The following FAT3 variants were observed in gnomAD, a reference collection of about 807,000 sequenced individuals.
FAT3 encodes the protein FAT atypical cadherin 3, also known as protocadherin Fat 3.
FAT3 carries 95 observed loss-of-function variants against 310.2 expected under a neutral mutation model. The observed-to-expected ratio is 0.31, with a 90% confidence interval of 0.26 to 0.36. The LOEUF is 0.36. Among genes scored for constraint, FAT3 ranks in the 10% least tolerant of loss-of-function variants. FAT3 has a pLI of 1.00. For synonymous variants in FAT3, 2,314 were observed against 2,192.9 expected (o/e 1.06, Z -1.54); for missense variants, 5,408 against 5,715.6 (o/e 0.95, Z 1.74).
At chr11:92,592,318 C>A (rs114175990) in intron 3 of FAT3, among the ~76,000 whole-genome samples, 1 of 108,244 alleles carries the variant, frequency 9.2e-6, no homozygotes, top group Non-Finnish European at 1.7e-5. Context: ...TCCTAATTGT[C>A]TTTTTTTTTT....
chr11:92,444,886 G>T (rs1396083393), intron 2 of FAT3, among the ~76,000 whole-genome samples: 1 of 152,096 alleles, frequency 6.6e-6, no homozygotes, highest in Non-Finnish European at 1.5e-5. Context: ...GAAGAAAAAA[G>T]TTCTGTCATT....
rs1462056846 is a variant in FAT3, at chr11:92,355,364, T to C, written c.3252T>C (p.Asp1084=). Residue 1084 remains aspartate (D), a synonymous_variant, in exon 2 of 28, where the codon GAT becomes GAC. Transcript: ENST00000525166. ...GAGAGATCCAGTACTCCATCAGGGA[T>C]GGCAGTGGTCTTGGAAGGTTCAGTA... ...RDGEIQYSIR[D]GSGLGRFSID... 1.9e-6 allele frequency: 3 copies of C among 1,613,774 alleles called. No individual in the cohort carries two copies. In the South Asian group the frequency reaches 3.3e-5, roughly 18 times the overall value.
chr11:92,801,989 A>G (rs967984729), intron 10 of FAT3, 80 bp downstream of exon 10: 17 of 1,366,650 alleles, frequency 1.2e-5, no homozygotes, highest in Non-Finnish European at 1.6e-5. Context: ...AGAGTAAGAG[A>G]GAAGGAAGAT....
chr11:92,331,576 T>C (rs945562464), intron 1 of FAT3, among the ~76,000 whole-genome samples: 1 of 152,210 alleles, frequency 6.6e-6, no homozygotes, highest in African/African-American at 2.4e-5. Context: ...ACAAAGTGGC[T>C]ATAAAACCAC....
At chr11:92,377,136 C>G (rs954766100) in intron 2 of FAT3, among the ~76,000 whole-genome samples, 1 of 152,160 alleles carries the variant, frequency 6.6e-6, no homozygotes, top group Non-Finnish European at 1.5e-5. Context: ...CCAATACAGG[C>G]TCATGCATGG....
intron 4 of FAT3, among the ~76,000 whole-genome samples, chr11:92,735,538 A>G (rs1945316206): frequency 6.6e-6 from 1 of 150,878 alleles, no homozygotes; most frequent in African/African-American, 2.4e-5. Context: ...GTGAATGACT[A>G]GAAGGATGGA....
chr11:92,433,502 T>G (rs773083994), intron 2 of FAT3, among the ~76,000 whole-genome samples: 15 of 152,070 alleles, frequency 9.9e-5, no homozygotes, highest in Non-Finnish European at 1.8e-4. Flanking sequence ...CCCTGACCCC[T>G]TCTACTTCCT....
At chr11:92,683,868 G>A (rs949901123) in intron 3 of FAT3, among the ~76,000 whole-genome samples, 3 of 152,172 alleles carry the variant, frequency 2.0e-5, no homozygotes, top group Non-Finnish European at 2.9e-5. Context: ...AGATTTTCTA[G>A]TGCCAAGGCA....
chr11:92,845,088 G>T (rs1434557670), intron 19 of FAT3, among the ~76,000 whole-genome samples: 1 of 152,220 alleles, frequency 6.6e-6, no homozygotes, highest in Non-Finnish European at 1.5e-5. Context: ...AGCCTTCTAG[G>T]CAAGGGGCAG....
chr11:92,297,872 G>A (rs1416720605), intron 1 of FAT3, among the ~76,000 whole-genome samples: 1 of 152,236 alleles, frequency 6.6e-6, no homozygotes, highest in East Asian at 1.9e-4. Flanking sequence ...TCCACAATCT[G>A]TGGCAACTCT....
chr11:92,489,778 G>T lies in FAT3; in HGVS notation c.3293-34856G>T, dbSNP rs562956732. Among the ~76,000 whole-genome samples, 11 of 152,198 alleles carry T rather than the reference G, an allele frequency of 7.2e-5. No homozygotes were observed. In the South Asian group the frequency reaches 1.9e-3, roughly 26 times the overall value. ...GCTACTGTTTGTCGGGCTGGACGGAGTAGGGGAAAATACATTATGACACAG... is the reference window on the plus strand; with the variant it reads ...GCTACTGTTTGTCGGGCTGGACGGATTAGGGGAAAATACATTATGACACAG... On this transcript the variant is annotated intron_variant, in intron 2 of 27. Transcript: ENST00000525166.
chr11:92,758,208 C>A (rs1323553879), intron 4 of FAT3, among the ~76,000 whole-genome samples: 1 of 152,176 alleles, frequency 6.6e-6, no homozygotes, highest in East Asian at 1.9e-4. Context: ...AGAGACAGTT[C>A]TCTTGACCTC....
intron 2 of FAT3, among the ~76,000 whole-genome samples, chr11:92,463,848 G>C (rs1591323239): frequency 6.6e-6 from 1 of 152,174 alleles, no homozygotes; most frequent in African/African-American, 2.4e-5. Flanking sequence ...ACCCCTTTCT[G>C]TCGGTGTGAC....
At chr11:92,848,025 T>C (rs936350640) in intron 19 of FAT3, among the ~76,000 whole-genome samples, 1 of 152,064 alleles carries the variant, frequency 6.6e-6, no homozygotes, top group African/African-American at 2.4e-5. Context: ...GCAGATTCAT[T>C]AGATGGAGTT....
chr11:92,342,580 C>CT (rs888437691), intron 1 of FAT3, among the ~76,000 whole-genome samples: 36 of 151,994 alleles, frequency 2.4e-4, no homozygotes, highest in South Asian at 2.1e-4. Context: ...TCTCCAAGCA[C>CT]TTTTTTTTCT....
chr11:92,513,734 T>A (rs1392397726), intron 2 of FAT3, among the ~76,000 whole-genome samples: 3 of 152,160 alleles, frequency 2.0e-5, no homozygotes, highest in African/African-American at 7.2e-5. Flanking sequence ...GTGAACAGAC[T>A]CTGTTAGAAG....
intron 1 of FAT3, among the ~76,000 whole-genome samples, chr11:92,287,341 A>T (rs1826101713): frequency 6.6e-6 from 1 of 152,146 alleles, no homozygotes; most frequent in South Asian, 2.1e-4. Context: ...GTGGTGTTTA[A>T]AAATCTACAT....
At chr11:92,491,879 G>A (rs1354983825) in intron 2 of FAT3, among the ~76,000 whole-genome samples, 3 of 152,124 alleles carry the variant, frequency 2.0e-5, no homozygotes, top group East Asian at 1.9e-4. Flanking sequence ...CTTTCAGTGG[G>A]CACCTATAAG....
chr11:92,699,597 A>G (rs1185696542), intron 4 of FAT3, among the ~76,000 whole-genome samples: 1 of 152,178 alleles, frequency 6.6e-6, no homozygotes, highest in African/African-American at 2.4e-5. Flanking sequence ...CAAAATTCAA[A>G]ATGTTCCATT....
Sources: gnomAD v4.1 joint callset for allele counts (sites outside exome capture counted in the v4.1 genomes callset) on GRCh38, gnomAD v4.1.1 for gene constraint, MANE v1.5 for transcripts, NCBI Gene and HGNC (gene_info 2026-07-23, HGNC 2026-07-21) for gene names.